SIGLEC7: variants seen among roughly 807,000 people sequenced by gnomAD.
SIGLEC7 encodes sialic acid binding Ig like lectin 7.
A neutral mutation model predicts 40.8 loss-of-function variants in SIGLEC7; 33 were observed. That is an observed-to-expected ratio of 0.81 (90% CI 0.61 to 1.08). The LOEUF (loss-of-function observed/expected upper bound fraction) is 1.08, where lower values mean the gene tolerates loss of function less well. Ranked by LOEUF, SIGLEC7 falls within the 50% of genes least tolerant of loss-of-function variation. The pLI is 0.00. For synonymous variants in SIGLEC7, 242 were observed against 237.6 expected, an observed-to-expected ratio of 1.02 and a Z score of -0.17; for missense variants, 513 against 576.1, an observed-to-expected ratio of 0.89 and a Z score of 1.12.
chr19:51,147,338 C>A, intron 6 of SIGLEC7, 21 bp downstream of exon 6: 2 of 1,590,680 alleles, frequency 1.3e-6, no homozygotes, highest in Non-Finnish European at 1.7e-6. Context: ...TGGGCGTCTC[C>A]ACACCCAGCA....
In SIGLEC7 at chr19:51,142,691, C is replaced by T. The variant is rs770281206; in HGVS notation, c.322C>T (p.Leu108=). ...LGDPQTKNCT[L]SIRDARMSDA... ...GGACCCACAGACCAAAAATTGCACC[C>T]TGAGCATCAGAGATGCCAGAATGAG... Residue 108 remains leucine, a synonymous_variant, in exon 1 of 7, where the codon CTG becomes TTG. Coordinates refer to ENST00000317643, the MANE Select transcript of SIGLEC7 (RefSeq NM_014385.4). This position sits in a 1 kb window ranked among gnomAD's most constrained non-coding sequence, Gnocchi z 5.0. The T allele has an allele frequency of 3.1e-6, 5 of 1,614,192 alleles. No individual in the cohort carries two copies. The highest frequency in any genetic ancestry group is 4.2e-6 in the Non-Finnish European group (5 of 1,180,040).
intron 6 of SIGLEC7, among the ~76,000 whole-genome samples, chr19:51,148,386 T>C (rs1484436914): frequency 6.6e-6 from 1 of 152,192 alleles, no homozygotes; most frequent in African/African-American, 2.4e-5. Context: ...CTCTTCTTTG[T>C]GTTCATGAGT....
In SIGLEC7 at chr19:51,145,947, A is replaced by G. The variant is rs1171501223; in HGVS notation, c.853A>G (p.Arg285Gly). ...TGCTGTTGACAGCAATCCCCCTGCC[A>G]GGCTGAGCTGGACCTGGAGGAGTCT... The part of the protein sequence containing the change: ...VCAVDSNPPA[R>G]LSWTWRSLTL... Residue 285 changes from arginine to glycine, a missense_variant, in exon 4 of 7, where the codon AGG becomes GGG. By Grantham distance (125) the Arg-to-Gly change is moderately radical (BLOSUM62 -2). Transcript: ENST00000317643. The surrounding 1 kb of genome is among the most constrained non-coding windows in gnomAD (Gnocchi z 4.3). 1 of 1,614,228 alleles carries G rather than the reference A, an allele frequency of 6.2e-7. No individual in the cohort carries two copies. Among genetic ancestry groups the G allele is most frequent in the Non-Finnish European group, 8.5e-7 (1 of 1,180,042 alleles).
chr19:51,150,256 T>C (rs1404328832), intron 6 of SIGLEC7, among the ~76,000 whole-genome samples: 1 of 152,192 alleles, frequency 6.6e-6, no homozygotes, highest in Non-Finnish European at 1.5e-5. Flanking sequence ...AGCTTTTCCA[T>C]ATTCAATATG....
chr19:51,144,242 C>T, intron 1 of SIGLEC7, 164 bp from the exon 2 acceptor site: 1 of 1,065,858 alleles, frequency 9.4e-7, no homozygotes, highest in African/African-American at 1.6e-5. Flanking sequence ...AGGGAAAGGT[C>T]ATGGGGGTGG....
At chr19:51,147,021 C>G (rs2092112941) in intron 5 of SIGLEC7, 171 bp downstream of exon 5, 1 of 998,576 alleles carries the variant, frequency 1.0e-6, no homozygotes, top group Admixed American at 2.8e-5. Context: ...TGGGGCTCCA[C>G]ATCTGTGGTG....
intron 6 of SIGLEC7, among the ~76,000 whole-genome samples, chr19:51,152,482 C>T (rs963294795): frequency 6.6e-6 from 1 of 152,190 alleles, no homozygotes; most frequent in Admixed American, 6.5e-5. Context: ...CCCCATACCA[C>T]CGAACTGTGA....
At chr19:51,143,928 A>G (rs1024174111) in intron 1 of SIGLEC7, 3 of 464,924 alleles carry the variant, frequency 6.5e-6, no homozygotes, top group African/African-American at 2.0e-5. Flanking sequence ...CTTTAACCCT[A>G]TTACAACTGA....
At position 51,144,663 on chromosome 19, in the gene SIGLEC7, A is replaced by G. The variant is rs1287875559; in HGVS notation, c.691A>G (p.Thr231Ala). The change falls in exon 2 of 7, where the codon ACC becomes GCC. Residue 231 changes from threonine (T) to alanine (A), a missense_variant. Transcript: ENST00000317643. Reference protein sequence around the residue: ...LPGAGVTTNRTIQLNVSYPPQ... With the variant: ...LPGAGVTTNRAIQLNVSYPPQ... ...TGGGGCCGGCGTGACCACGAACAGG[A>G]CCATCCAACTCAATGTGTCCTGTGA... 6.2e-7 allele frequency: 1 copy of G among 1,613,618 alleles called. No individual in the cohort carries two copies. The highest frequency in any genetic ancestry group is 1.3e-5 in the African/African-American group (1 of 75,010).
At position 51,145,470 on chromosome 19, in the gene SIGLEC7, A is replaced by T. The variant is rs542229179; in HGVS notation, c.761-385A>T. ...AGACTGTTTGCACCCTCTTCTAGGG[A>T]TGTGTGTGATTCCACTGTCTGAATA... On this transcript the variant is annotated intron_variant, in intron 3 of 6. Transcript: ENST00000317643. This position sits in a 1 kb window ranked among gnomAD's most constrained non-coding sequence, Gnocchi z 4.3. Among the ~76,000 whole-genome samples, 2 of 152,114 alleles carry T rather than the reference A, an allele frequency of 1.3e-5. No individual in the cohort carries two copies. Among genetic ancestry groups the T allele is most frequent in the East Asian group, 3.9e-4 (2 of 5,190 alleles).
chr19:51,143,043 T>C (rs1327114894), intron 1 of SIGLEC7, among the ~76,000 whole-genome samples: 5 of 152,046 alleles, frequency 3.3e-5, no homozygotes, highest in East Asian at 1.9e-4. Context: ...GACGCTGGCA[T>C]TGTGGCATGT....
Position 51,145,226 on chromosome 19 carries a change from C to T in SIGLEC7, c.760+267C>T, listed in dbSNP as rs2092099921. ...TATAGCAGGAGCAGCCTTTGGGCCTCTTATCTTCCATCTCCTGAATATGCC... is the reference window on the plus strand; with the variant it reads ...TATAGCAGGAGCAGCCTTTGGGCCTTTTATCTTCCATCTCCTGAATATGCC... On this transcript the variant is annotated intron_variant, in intron 3 of 6. Coordinates refer to ENST00000317643, the MANE Select transcript of SIGLEC7 (RefSeq NM_014385.4). The surrounding 1 kb of genome is among the most constrained non-coding windows in gnomAD (Gnocchi z 4.3). Among the ~76,000 whole-genome samples the T allele has an allele frequency of 6.6e-6, 1 of 152,224 alleles. No individual in the cohort carries two copies. Among genetic ancestry groups the T allele is most frequent in the Admixed American group, 6.5e-5 (1 of 15,286 alleles).
chr19:51,146,009 A>AC lies in SIGLEC7; in HGVS notation c.916dup (p.Leu306ProfsTer10). 1 of 1,614,204 alleles carries AC rather than the reference A, an allele frequency of 6.2e-7. No homozygotes were observed. The highest frequency in any genetic ancestry group is 8.5e-7 in the Non-Finnish European group (1 of 1,180,030). The stretch of plus-strand genomic sequence containing the variant: ...CCTCACAGCCCTCAAACCCTCTGGT[A>AC]CTGGAGCTGCAAGTGCACCTGGGGG... On this transcript the variant is annotated frameshift_variant, in exon 4 of 7. Coordinates refer to ENST00000317643, the MANE Select transcript of SIGLEC7 (RefSeq NM_014385.4). LOFTEE classifies it high-confidence loss of function.
intron 4 of SIGLEC7, 90 bp downstream of exon 4, chr19:51,146,211 C>T (rs1444843527): frequency 2.7e-6 from 4 of 1,505,712 alleles, no homozygotes; most frequent in Admixed American, 1.8e-5. Context: ...GGGAGCTCAG[C>T]TCTGGTCTGT....
rs1266631033 is a variant in SIGLEC7, at chr19:51,142,728, G to C, written c.359G>C (p.Arg120Thr). The C allele has an allele frequency of 7.4e-6, 12 of 1,614,046 alleles. No individual in the cohort carries two copies. Among genetic ancestry groups the C allele is most frequent in the Non-Finnish European group, 9.3e-6 (11 of 1,179,960 alleles). Residue 120 changes from arginine to threonine, a missense_variant, in exon 1 of 7, where the codon AGA becomes ACA. Physicochemically the swap from Arg to Thr is moderately conservative, Grantham distance 71 (BLOSUM62 -1). Transcript: ENST00000317643. The surrounding 1 kb of genome is among the most constrained non-coding windows in gnomAD (Gnocchi z 5.0). ...IRDARMSDAG[R>T]YFFRMEKGNI... ...GATGCCAGAATGAGTGATGCGGGGAGATACTTCTTTCGTATGGAGAAAGGA... is the reference window on the plus strand; with the variant it reads ...GATGCCAGAATGAGTGATGCGGGGACATACTTCTTTCGTATGGAGAAAGGA...
At chr19:51,152,396 G>T (rs1431216329) in intron 6 of SIGLEC7, among the ~76,000 whole-genome samples, 1 of 152,116 alleles carries the variant, frequency 6.6e-6, no homozygotes, top group East Asian at 1.9e-4. Context: ...AGGTTTCAGG[G>T]GATTAGGGTA....
At position 51,145,307 on chromosome 19, in the gene SIGLEC7, C is replaced by T. The variant is rs558778468; in HGVS notation, c.760+348C>T. ...GTTTTGAGCTACGTTCTTTTGGATA[C>T]ATGCTATAATCACGTGGGCAAAAAT... On this transcript the variant is annotated intron_variant, in intron 3 of 6. Transcript: ENST00000317643. The surrounding 1 kb of genome is among the most constrained non-coding windows in gnomAD (Gnocchi z 4.3). Among the ~76,000 whole-genome samples the T allele has an allele frequency of 3.3e-5, 5 of 152,322 alleles. No individual in the cohort carries two copies. Among genetic ancestry groups the T allele is most frequent in the Admixed American group, 3.3e-4 (5 of 15,312 alleles).
Position 51,142,727 on chromosome 19 carries a change from A to C in SIGLEC7, c.358A>C (p.Arg120=). The change falls in exon 1 of 7, where the codon AGA becomes CGA. Residue 120 remains arginine (R), a synonymous_variant. Coordinates refer to ENST00000317643, the MANE Select transcript of SIGLEC7 (RefSeq NM_014385.4). The surrounding 1 kb of genome is among the most constrained non-coding windows in gnomAD (Gnocchi z 5.0). Reference sequence around the variant, plus strand: ...AGATGCCAGAATGAGTGATGCGGGGAGATACTTCTTTCGTATGGAGAAAGG... The same window carrying C: ...AGATGCCAGAATGAGTGATGCGGGGCGATACTTCTTTCGTATGGAGAAAGG... The part of the protein sequence containing the change: ...IRDARMSDAG[R]YFFRMEKGNI... The C allele has an allele frequency of 6.2e-7, 1 of 1,614,050 alleles. No individual in the cohort carries two copies. Among genetic ancestry groups the C allele is most frequent in the Non-Finnish European group, 8.5e-7 (1 of 1,179,962 alleles).
chr19:51,144,758 G>T, intron 2 of SIGLEC7, 74 bp downstream of exon 2: 4 of 1,585,808 alleles, frequency 2.5e-6, no homozygotes, highest in South Asian at 1.1e-5. Context: ...TGGGGTCAGG[G>T]CTCGACACTG....
Sources: allele counts gnomAD v4.1 joint callset (sites outside exome capture counted in the v4.1 genomes callset), GRCh38; gene constraint gnomAD v4.1.1; non-coding constraint Gnocchi (gnomAD v3.1); transcripts MANE v1.5; gene names NCBI Gene and HGNC (gene_info 2026-07-23, HGNC 2026-07-21).